The following PHF14 variants were observed in gnomAD, a reference collection of about 807,000 sequenced individuals.
PHF14 encodes the protein PHD finger protein 14.
A neutral mutation model predicts 117.9 loss-of-function variants in PHF14; 55 were observed. The observed-to-expected ratio is 0.47, with a 90% CI of 0.38 to 0.58. PHF14 has a LOEUF of 0.58. PHF14 is among the 20% of genes least tolerant of loss of function. The pLI, the probability that PHF14 is intolerant of heterozygous loss-of-function variation, is 0.00. For synonymous variants in PHF14, 409 were observed against 368.6 expected (o/e 1.11, Z -1.26); for missense variants, 978 against 1,122.2 (o/e 0.87, Z 1.84).
At chr7:11,143,606 T>TA (rs1788459346) in intron 17 of PHF14, among the ~76,000 whole-genome samples, 1 of 152,200 alleles carries the variant, frequency 6.6e-6, no homozygotes, top group Non-Finnish European at 1.5e-5. Context: ...AGTCATGACC[T>TA]ACCTTCGAGA....
chr7:11,071,243 C>A (rs774510573), intron 16 of PHF14: 2 of 518,298 alleles, frequency 3.9e-6, no homozygotes, highest in South Asian at 2.8e-5. Flanking sequence ...CTCTGATATT[C>A]AAAGACTATA....
chr7:11,081,641 A>G (rs566331711), intron 16 of PHF14, among the ~76,000 whole-genome samples: 15 of 149,814 alleles, frequency 1.0e-4, no homozygotes, highest in Non-Finnish European at 1.6e-4. Context: ...CGGATCATGA[A>G]GTCAGGAGAT....
chr7:11,024,011 A>G (rs1459026600), intron 6 of PHF14, among the ~76,000 whole-genome samples: 3 of 152,238 alleles, frequency 2.0e-5, no homozygotes. Context: ...CCGAATAGCC[A>G]GTATGTCAGT....
At chr7:11,166,359 G>C (rs907788378) in intron 17 of PHF14, among the ~76,000 whole-genome samples, 2 of 151,252 alleles carry the variant, frequency 1.3e-5, no homozygotes, top group Non-Finnish European at 2.9e-5. Flanking sequence ...TATATCAGAA[G>C]AAATTTTTGC....
Position 10,986,759 on chromosome 7 carries a change from C to T in PHF14, c.900+3600C>T, listed in dbSNP as rs113696390. 1.4e-4 allele frequency among the ~76,000 whole-genome samples: 21 copies of T among 152,202 alleles called. 1 individual carries two copies. The highest frequency in any genetic ancestry group is 4.8e-4 in the African/African-American group (20 of 41,516). On this transcript the variant is annotated intron_variant, in intron 3 of 17. Coordinates refer to ENST00000634607, the MANE Select transcript of PHF14 (RefSeq NM_001007157.2). ...TCTGAGGTAAGTTTTTTGGGGACGG[C>T]AGTGTACTATTTTCAGAAATGGTTC...
chr7:11,159,468 T>A (rs1324726556), intron 17 of PHF14, among the ~76,000 whole-genome samples: 1 of 152,108 alleles, frequency 6.6e-6, no homozygotes, highest in Non-Finnish European at 1.5e-5. Flanking sequence ...GTTATTTTTC[T>A]GTTTTTTTCT....
intron 7 of PHF14, 41 bp from the exon 8 acceptor site, chr7:11,035,599 A>T (rs757290285): frequency 2.0e-5 from 27 of 1,381,284 alleles, no homozygotes. Context: ...GACTCTTGGG[A>T]GTACAAATGT....
chr7:11,117,475 T>C (rs967811904), intron 17 of PHF14, among the ~76,000 whole-genome samples: 1 of 151,888 alleles, frequency 6.6e-6, no homozygotes, highest in African/African-American at 2.4e-5. Flanking sequence ...TAATCATTTG[T>C]ATTAAAAATC....
At chr7:11,056,510 TAC>T (rs1785026326) in intron 14 of PHF14, among the ~76,000 whole-genome samples, 1 of 152,010 alleles carries the variant, frequency 6.6e-6, no homozygotes, top group Non-Finnish European at 1.5e-5. Flanking sequence ...AAAGAAACTC[TAC>T]AGTCAATTGA....
chr7:11,113,301 A>C (rs1787501388), intron 17 of PHF14, among the ~76,000 whole-genome samples: 1 of 152,108 alleles, frequency 6.6e-6, no homozygotes, highest in African/African-American at 2.4e-5. Flanking sequence ...CATTGCATAC[A>C]TTTTGTACAT....
rs1789306495 is a variant in PHF14 at position 11,169,618 on chromosome 7, A to G, written c.*128A>G. 1 of 452,692 alleles carries G rather than the reference A, an allele frequency of 2.2e-6. No homozygotes were observed. 28.0% of individuals were successfully genotyped at this position (452,692 alleles called of 1,614,324 possible). The stretch of plus-strand genomic sequence containing the variant: ...TCTCAATAAAGTCATTCAAAATGAA[A>G]TAGGAGCTTGTATTTGGAATTCGTA... On this transcript the variant is annotated 3_prime_UTR_variant, in exon 18 of 18. Transcript: ENST00000634607.
At position 11,051,576 on chromosome 7, in the gene PHF14, A is replaced by G. The variant is rs202237372; in HGVS notation, c.2313-36A>G. On this transcript the variant is annotated intron_variant, in intron 13 of 17. Coordinates refer to ENST00000634607, the MANE Select transcript of PHF14 (RefSeq NM_001007157.2). ...CTATAGCTAAAGCCAGAAGATAATA[A>G]TAAATGCATGACTTAAATTTTTCCC... is the stretch of plus-strand genomic sequence containing the variant. 21 of 1,556,998 alleles carry G rather than the reference A, an allele frequency of 1.3e-5. No individual in the cohort carries two copies. The African/African-American group carries it at 1.5e-4, about 11-fold the overall frequency.
intron 17 of PHF14, among the ~76,000 whole-genome samples, chr7:11,152,244 A>T (rs1423613553): frequency 6.6e-6 from 1 of 152,148 alleles, no homozygotes; most frequent in African/African-American, 2.4e-5. Flanking sequence ...AGCAATTCTA[A>T]CTGTACATAC....
chr7:11,054,037 C>G (rs1562442303), intron 14 of PHF14, among the ~76,000 whole-genome samples: 1 of 151,680 alleles, frequency 6.6e-6, no homozygotes, highest in Admixed American at 6.6e-5. Flanking sequence ...AAAAAAAAAT[C>G]CTAATATTTA....
At chr7:11,126,462 G>T (rs1787931388) in intron 17 of PHF14, among the ~76,000 whole-genome samples, 1 of 151,936 alleles carries the variant, frequency 6.6e-6, no homozygotes. Context: ...ACAGCATAAA[G>T]ACTCTGTTAA....
chr7:11,031,234 A>G (rs950542776), intron 7 of PHF14, among the ~76,000 whole-genome samples: 2 of 152,032 alleles, frequency 1.3e-5, no homozygotes, highest in Admixed American at 1.3e-4. Context: ...TATCAGTTTC[A>G]TCTAATGACA....
chr7:11,169,422 GA>G lies in PHF14; in HGVS notation c.2783del (p.Asn928MetfsTer36). On this transcript the variant is annotated frameshift_variant, in exon 18 of 18. Transcript: ENST00000634607. LOFTEE classifies it high-confidence loss of function. ...TCTAAAATTTATTTCACAGGAAGAT[GA>G]AAATGAAGCTGAAAGAAAAAATATA... Reference protein sequence around the residue: ...ECDSSSSKEDENEAERKNISQ... With the variant: ...ECDSSSSKEDXNEAERKNISQ... 2.1e-6 allele frequency: 3 copies of G among 1,430,964 alleles called. No individual in the cohort carries two copies. The highest frequency in any genetic ancestry group is 2.4e-5 in the East Asian group (1 of 42,264). 88.6% of individuals were successfully genotyped at this position (1,430,964 alleles called of 1,614,324 possible).
At chr7:11,029,530 A>G (rs1784048694) in intron 7 of PHF14, among the ~76,000 whole-genome samples, 1 of 152,306 alleles carries the variant, frequency 6.6e-6, no homozygotes, top group South Asian at 2.1e-4. Flanking sequence ...TGTAAAATGT[A>G]AAACAGTGCC....
In PHF14 at chr7:11,042,689, G is replaced by C. The variant is rs754491013; in HGVS notation, c.2187G>C (p.Gly729=). ...STLPAVLYSC[G]ICKKNHDQHL... The stretch of plus-strand genomic sequence containing the variant: ...TTGCTGCCTTTATTAAAAGTTGTGG[G>C]ATTTGTAAGAAGAACCATGATCAGC... Residue 729 remains glycine, a synonymous_variant, in exon 13 of 18, where the codon GGG becomes GGC. Transcript: ENST00000634607. 5 of 1,575,540 alleles carry C rather than the reference G, an allele frequency of 3.2e-6. No individual in the cohort carries two copies. In the East Asian group the frequency reaches 1.2e-4, roughly 36 times the overall value.
Sources: allele counts gnomAD v4.1 joint callset (sites outside exome capture counted in the v4.1 genomes callset), GRCh38; gene constraint gnomAD v4.1.1; transcripts MANE v1.5; gene names NCBI Gene and HGNC (gene_info 2026-07-23, HGNC 2026-07-21).